Variants in ZNF836 observed in about 807,000 individuals in gnomAD.
ZNF836 encodes zinc finger protein 836.
Under a neutral mutation model 7.4 loss-of-function variants are expected in ZNF836, and 12 were observed. That is an observed-to-expected ratio of 1.61 (90% CI 1.03 to 2.61). ZNF836 has a LOEUF of 2.61. ZNF836 is among the 30% of genes most tolerant of loss of function. ZNF836 has a pLI of 0.00. For missense variants in ZNF836, 998 were observed against 1,126.2 expected (o/e 0.89, Z 1.63); for synonymous variants, 365 against 382.6 (o/e 0.95, Z 0.54).
At chr19:52,165,844 A>T (rs571390237) in intron 3 of ZNF836, among the ~76,000 whole-genome samples, 13 of 152,300 alleles carry the variant, frequency 8.5e-5, no homozygotes, top group Non-Finnish European at 1.5e-4. Context: ...AACTCTTTGC[A>T]TTTCCATTTT....
chr19:52,155,307 T>G lies in ZNF836; in HGVS notation c.2376A>C (p.Thr792=). ...ECGKVFRHQS[T]LARHRSIHTG... is the part of the protein sequence containing the mutation. The stretch of plus-strand genomic sequence containing the variant: ...TATGAATACTCCGATGACGTGCTAG[T>G]GTTGATTGATGACGAAAGACCTTGC... The change falls in exon 5 of 5, where the codon ACA becomes ACC. Residue 792 remains threonine (T), a synonymous_variant. Coordinates refer to ENST00000682614, the MANE Select transcript of ZNF836 (RefSeq NM_001102657.3). 1 of 1,612,486 alleles carries G rather than the reference T, an allele frequency of 6.2e-7. No homozygotes were observed. The highest frequency in any genetic ancestry group is 8.5e-7 in the Non-Finnish European group (1 of 1,179,472).
At position 52,155,400 on chromosome 19, in the gene ZNF836, G is replaced by A; in HGVS notation, c.2283C>T (p.Ser761=). ...TCCGATGCCTTGCAAGGTTCGAAGTGGAATTAAAGACCTGGCCACATTCAA... is the reference window on the plus strand; with the variant it reads ...TCCGATGCCTTGCAAGGTTCGAAGTAGAATTAAAGACCTGGCCACATTCAA... ...KCIECGQVFN[S]TSNLARHRRI... Residue 761 remains serine, a synonymous_variant, in exon 5 of 5, where the codon TCC becomes TCT. Transcript: ENST00000682614. 1 of 1,613,888 alleles carries A rather than the reference G, an allele frequency of 6.2e-7. No homozygotes were observed. The highest frequency in any genetic ancestry group is 8.5e-7 in the Non-Finnish European group (1 of 1,179,954).
chr19:52,169,714 G>A lies in ZNF836; in HGVS notation c.-147C>T, dbSNP rs2089293753. On this transcript the variant is annotated 5_prime_UTR_variant, in exon 2 of 5. Coordinates refer to ENST00000682614, the MANE Select transcript of ZNF836 (RefSeq NM_001102657.3). ...ACTCTGAGGCAGAAAGACTGCTTGA[G>A]CCCAGGAGGTTGAGGCTGCAGTGAG... 1.3e-5 allele frequency: 2 copies of A among 151,758 alleles called. No homozygotes were observed. The highest frequency in any genetic ancestry group is 4.8e-5 in the African/African-American group (2 of 41,254). 9.4% of individuals were successfully genotyped at this position (151,758 alleles called of 1,614,324 possible).
intron 3 of ZNF836, among the ~76,000 whole-genome samples, chr19:52,160,853 CTG>C (rs1365007871): frequency 2.0e-4 from 31 of 152,252 alleles, no homozygotes; most frequent in African/African-American, 7.5e-4. Flanking sequence ...ACGTGGTTAT[CTG>C]TATAAGTATT....
At chr19:52,169,438 G>T (rs1331205982) in intron 2 of ZNF836, among the ~76,000 whole-genome samples, 5 of 152,128 alleles carry the variant, frequency 3.3e-5, no homozygotes. Flanking sequence ...AATCAGCCAG[G>T]CGTGGTGGCA....
chr19:52,165,831 G>A (rs1020441380), intron 3 of ZNF836, among the ~76,000 whole-genome samples: 4 of 152,130 alleles, frequency 2.6e-5, no homozygotes, highest in African/African-American at 9.7e-5. Context: ...TGGGGAAAAT[G>A]ATAACTCTTT....
At chr19:52,158,814 G>A (rs765370193) in intron 4 of ZNF836, among the ~76,000 whole-genome samples, 2 of 152,124 alleles carry the variant, frequency 1.3e-5, no homozygotes, top group Non-Finnish European at 2.9e-5. Context: ...CTAACAAGCA[G>A]TGCAAGTCAG....
Position 52,156,350 on chromosome 19 carries a change from C to G in ZNF836, c.1333G>C (p.Asp445His), listed in dbSNP as rs778535258. Residue 445 changes from aspartate to histidine, a missense_variant, in exon 5 of 5, where the codon GAT (aspartate) becomes CAT (histidine). Asp to His is a moderately conservative substitution (Grantham distance 81, BLOSUM62 -1). Coordinates refer to ENST00000682614, the MANE Select transcript of ZNF836 (RefSeq NM_001102657.3). ...TGACTGAAGACCTTGTCGCATACAT[C>G]ACATGTATATGGTTTCTCTCCTGTA... ...IHTGEKPYTC[D>H]VCDKVFSQRS... 9 of 1,613,992 alleles carry G rather than the reference C, an allele frequency of 5.6e-6. No individual in the cohort carries two copies. In the Admixed American group the frequency reaches 1.5e-4, roughly 27 times the overall value.
chr19:52,157,321 T>C lies in ZNF836; in HGVS notation c.362A>G (p.Asn121Ser), dbSNP rs369635899. 132 of 1,604,534 alleles carry C rather than the reference T, an allele frequency of 8.2e-5. No homozygotes were observed. The African/African-American group carries it at 1.3e-3, about 16-fold the overall frequency. ...EVPMTYKNNL[N>S]GKRGQHSQED... is the part of the protein sequence containing the mutation. The stretch of plus-strand genomic sequence containing the variant: ...TTGACTATGTTGACCTCTTTTACCA[T>C]TAAGATTGTTTTTATAGGTCATTGG... The change falls in exon 5 of 5, where the codon AAT becomes AGT. Residue 121 changes from asparagine to serine, a missense_variant. Physicochemically the swap from Asn to Ser is conservative, Grantham distance 46. Coordinates refer to ENST00000682614, the MANE Select transcript of ZNF836 (RefSeq NM_001102657.3).
intron 3 of ZNF836, among the ~76,000 whole-genome samples, chr19:52,163,128 G>A (rs2089228899): frequency 6.6e-6 from 1 of 152,142 alleles, no homozygotes; most frequent in African/African-American, 2.4e-5. Flanking sequence ...CTGGCACTCT[G>A]GACCTACAAT....
At position 52,161,783 on chromosome 19, in the gene ZNF836, T is replaced by C. The variant is rs916636766; in HGVS notation, c.16-1192A>G. 2.6e-5 allele frequency among the ~76,000 whole-genome samples: 4 copies of C among 152,186 alleles called. No homozygotes were observed. The highest frequency in any genetic ancestry group is 4.4e-5 in the Non-Finnish European group (3 of 68,044). ...TTTCTACAACCAATTCAAAAGCCTA[T>C]AGTCTAGAGTTGTATCTAACTATAA... On this transcript the variant is annotated intron_variant, in intron 3 of 4. Coordinates refer to ENST00000682614, the MANE Select transcript of ZNF836 (RefSeq NM_001102657.3). The surrounding 1 kb of genome is among the most constrained non-coding windows in gnomAD (Gnocchi z 4.1).
intron 3 of ZNF836, 69 bp from the exon 4 acceptor site, chr19:52,160,660 G>C (rs1167032577): frequency 6.6e-7 from 1 of 1,506,336 alleles, no homozygotes; most frequent in African/African-American, 1.4e-5. Flanking sequence ...ATGAGAAGAG[G>C]AGAGAACTGT....
At chr19:52,164,364 G>C (rs1258713567) in intron 3 of ZNF836, among the ~76,000 whole-genome samples, 2 of 141,700 alleles carry the variant, frequency 1.4e-5, no homozygotes, top group African/African-American at 5.4e-5. Context: ...TCGCACTCCA[G>C]CCCGGGCAAC....
chr19:52,166,592 G>A (rs985231854), intron 3 of ZNF836, among the ~76,000 whole-genome samples: 9 of 39,694 alleles, frequency 2.3e-4, no homozygotes, highest in African/African-American at 8.0e-4. Context: ...TTTTTTTTTT[G>A]AGACGGAGTC....
rs1414065396 is a variant in ZNF836 at position 52,163,537 on chromosome 19, G to A, written c.16-2946C>T. On this transcript the variant is annotated intron_variant, in intron 3 of 4. Transcript: ENST00000682614. ...CGCCTGTAATCCCAGCACTTTGGGA[G>A]GCCGAGGTGGGCGGATCACAAGGTC... Among the ~76,000 whole-genome samples, 20 of 152,054 alleles carry A rather than the reference G, an allele frequency of 1.3e-4. 1 individual carries two copies. In the South Asian group the frequency reaches 2.9e-3, roughly 22 times the overall value.
At chr19:52,163,139 G>A (rs1209693572) in intron 3 of ZNF836, among the ~76,000 whole-genome samples, 1 of 152,132 alleles carries the variant, frequency 6.6e-6, no homozygotes, top group Non-Finnish European at 1.5e-5. Flanking sequence ...GACCTACAAT[G>A]GGCACAGCAG....
intron 3 of ZNF836, among the ~76,000 whole-genome samples, chr19:52,164,449 A>AAAGG (rs59942431): frequency 0.065 from 8,939 of 137,170 alleles, 545 homozygotes; most frequent in African/African-American, 0.16. Flanking sequence ...GAGAGAGAGA[A>AAAGG]AAGGAAGGAA....
rs1478026983 is a variant in ZNF836, at chr19:52,155,999, C to G, written c.1684G>C (p.Val562Leu). The G allele has an allele frequency of 6.8e-6, 11 of 1,613,880 alleles. No homozygotes were observed. In the African/African-American group the frequency reaches 1.3e-4, roughly 20 times the overall value. ...GAAAGGTTTCCACTGTAATTGAAGA[C>G]CTTGCCACACACATTACATTTGTAA... ...QPYKCNVCGK[V>L]FNYSGNLSIH... is the part of the protein sequence containing the mutation. Residue 562 changes from valine to leucine, a missense_variant, in exon 5 of 5, where the codon GTC becomes CTC. Val to Leu is a conservative substitution (Grantham distance 32). Transcript: ENST00000682614.
chr19:52,157,820 C>T (rs34191801), intron 4 of ZNF836, among the ~76,000 whole-genome samples: 6,538 of 152,188 alleles, frequency 0.043, 195 homozygotes, highest in South Asian at 0.074. Flanking sequence ...CCGCCCACCT[C>T]GGCCCCACAA....
Sources: allele counts gnomAD v4.1 joint callset (sites outside exome capture counted in the v4.1 genomes callset), GRCh38; gene constraint gnomAD v4.1.1; non-coding constraint Gnocchi (gnomAD v3.1); transcripts MANE v1.5; gene names NCBI Gene and HGNC (gene_info 2026-07-23, HGNC 2026-07-21).